Variants in ARHGAP39 observed in about 807,000 individuals in gnomAD.
ARHGAP39 encodes Rho GTPase activating protein 39.
Under a neutral mutation model 106.9 loss-of-function variants are expected in ARHGAP39, and 44 were observed. The ratio of observed to expected loss-of-function variants is 0.41; its 90% confidence interval spans 0.32 to 0.53. The LOEUF is 0.53. ARHGAP39 is among the 20% of genes least tolerant of loss of function. ARHGAP39 has a pLI of 0.21. For missense variants in ARHGAP39, 1,496 were observed against 1,577.3 expected, an observed-to-expected ratio of 0.95 and a Z score of 0.87; for synonymous variants, 768 against 693.2, an observed-to-expected ratio of 1.11 and a Z score of -1.69.
chr8:144,531,046 G>A (rs937350385), intron 10 of ARHGAP39, among the ~76,000 whole-genome samples, 175 bp from the exon 11 acceptor site: 11 of 152,356 alleles, frequency 7.2e-5, no homozygotes, highest in Non-Finnish European at 1.3e-4. Context: ...GGGCCTTTCG[G>A]CTCCTGGGGG....
At chr8:144,615,312 C>A (rs1349328685) in intron 1 of ARHGAP39, among the ~76,000 whole-genome samples, 2 of 152,022 alleles carry the variant, frequency 1.3e-5, no homozygotes, top group Non-Finnish European at 2.9e-5. Flanking sequence ...AAAGTGAGAC[C>A]CCCTTCTCTA....
intron 1 of ARHGAP39, among the ~76,000 whole-genome samples, chr8:144,636,997 C>T (rs1435706291): frequency 1.3e-5 from 2 of 152,182 alleles, no homozygotes; most frequent in Non-Finnish European, 2.9e-5. Flanking sequence ...GGAAGCTTTC[C>T]GAATCTTCAA....
chr8:144,682,899 C>T (rs1463018439), intron 1 of ARHGAP39, among the ~76,000 whole-genome samples: 1 of 152,046 alleles, frequency 6.6e-6, no homozygotes, highest in Non-Finnish European at 1.5e-5. Context: ...CACCTGTAGT[C>T]CCAGCTACTT....
At chr8:144,545,896 G>A in intron 5 of ARHGAP39, 86 bp from the exon 6 acceptor site, 1 of 1,286,506 alleles carries the variant, frequency 7.8e-7, no homozygotes, top group South Asian at 1.5e-5. Flanking sequence ...CCAGAAGTGT[G>A]AGCTGGGGCC....
chr8:144,555,457 G>A, intron 4 of ARHGAP39, 103 bp downstream of exon 4: 2 of 1,008,158 alleles, frequency 2.0e-6, no homozygotes, highest in South Asian at 2.6e-5. Flanking sequence ...TGGGTCTGTG[G>A]TGTTGCTGCT....
chr8:144,556,202 G>T (rs377696600), intron 3 of ARHGAP39, among the ~76,000 whole-genome samples: 1 of 151,424 alleles, frequency 6.6e-6, no homozygotes, highest in African/African-American at 2.4e-5. Flanking sequence ...GGAGAATGGC[G>T]TGAACCCGGG....
chr8:144,628,090 A>C (rs972155753), intron 1 of ARHGAP39, among the ~76,000 whole-genome samples: 2 of 152,208 alleles, frequency 1.3e-5, no homozygotes, highest in African/African-American at 4.8e-5. Flanking sequence ...GCAGCCTCTC[A>C]GGCTCTCACT....
chr8:144,652,381 A>G (rs762505543), intron 1 of ARHGAP39, among the ~76,000 whole-genome samples: 2 of 152,210 alleles, frequency 1.3e-5, no homozygotes, highest in Non-Finnish European at 2.9e-5. Context: ...AAGCAGAACT[A>G]TCATTTGCCC....
intron 3 of ARHGAP39, among the ~76,000 whole-genome samples, chr8:144,571,852 A>C (rs1191070476): frequency 6.6e-6 from 1 of 152,214 alleles, no homozygotes; most frequent in African/African-American, 2.4e-5. Context: ...AATAACAGAC[A>C]GCCAAATCAT....
At chr8:144,700,321 GC>G in the ARHGAP39 span, 1 of 152,296 alleles carries the variant, frequency 6.6e-6, no homozygotes, top group Admixed American at 6.5e-5. The surrounding 1 kb of genome is among the most constrained non-coding windows in gnomAD (Gnocchi z 5.6). Context: ...TCCCAGAGCG[GC>G]CGGGCGAGTC....
At chr8:144,555,533 C>A in intron 4 of ARHGAP39, 27 bp downstream of exon 4, 1 of 1,603,756 alleles carries the variant, frequency 6.2e-7, no homozygotes. Context: ...CCATCACAAA[C>A]GGCCACGCCT....
intron 1 of ARHGAP39, among the ~76,000 whole-genome samples, chr8:144,613,248 C>T (rs1430845585): frequency 6.6e-6 from 1 of 152,178 alleles, no homozygotes; most frequent in Non-Finnish European, 1.5e-5. Flanking sequence ...TAAACAATTA[C>T]ATTTTAGAGA....
chr8:144,632,338 C>T (rs1475663292), intron 1 of ARHGAP39, among the ~76,000 whole-genome samples: 1 of 152,222 alleles, frequency 6.6e-6, no homozygotes, highest in Non-Finnish European at 1.5e-5. Context: ...GCAGAGCCCA[C>T]CTCCCGTCAC....
intron 1 of ARHGAP39, among the ~76,000 whole-genome samples, chr8:144,659,100 T>C (rs559834762): frequency 2.0e-5 from 3 of 152,282 alleles, no homozygotes; most frequent in Middle Eastern, 3.4e-3. Flanking sequence ...CCCAAAAGCA[T>C]TCCTCAGTAA....
At chr8:144,544,962 G>A (rs747363637) in intron 6 of ARHGAP39, among the ~76,000 whole-genome samples, 15 of 152,270 alleles carry the variant, frequency 9.9e-5, no homozygotes, top group Admixed American at 2.6e-4. Context: ...GTCAGGGAGC[G>A]GGACTGGCCA....
chr8:144,566,684 C>T (rs940240616), intron 3 of ARHGAP39, among the ~76,000 whole-genome samples: 12 of 151,764 alleles, frequency 7.9e-5, no homozygotes, highest in Admixed American at 4.6e-4. Flanking sequence ...GGTGAAACGC[C>T]GGCTCTACTA....
At chr8:144,606,716 A>C (rs1820306051) in intron 1 of ARHGAP39, among the ~76,000 whole-genome samples, 1 of 152,136 alleles carries the variant, frequency 6.6e-6, no homozygotes, top group South Asian at 2.1e-4. Context: ...AGTGCCCCTA[A>C]ACCCTAAGTT....
At chr8:144,606,630 G>A (rs1820302783) in intron 1 of ARHGAP39, among the ~76,000 whole-genome samples, 1 of 152,040 alleles carries the variant, frequency 6.6e-6, no homozygotes, top group African/African-American at 2.4e-5. Context: ...AGGAGGAGGA[G>A]GTGACGGTGG....
intron 3 of ARHGAP39, among the ~76,000 whole-genome samples, chr8:144,555,967 G>C (rs1230466088): frequency 3.3e-5 from 5 of 152,206 alleles, no homozygotes; most frequent in Admixed American, 6.5e-5. Flanking sequence ...ATAAAAAGAT[G>C]ACCTGGGAAG....
Sources: gnomAD v4.1 joint callset for allele counts (sites outside exome capture counted in the v4.1 genomes callset) on GRCh38, gnomAD v4.1.1 for gene constraint, Gnocchi (gnomAD v3.1) non-coding constraint, MANE v1.5 for transcripts, NCBI Gene and HGNC (gene_info 2026-07-23, HGNC 2026-07-21) for gene names.